Variants in PLPPR1 observed in about 807,000 individuals in gnomAD.
PLPPR1 encodes phospholipid phosphatase-related protein type 1.
A neutral mutation model predicts 33.1 loss-of-function variants in PLPPR1; 10 were observed. That is an observed-to-expected ratio of 0.30 (90% CI 0.19 to 0.51). PLPPR1 has a LOEUF of 0.51. Among genes scored for constraint, PLPPR1 ranks in the 20% least tolerant of loss-of-function variants. The pLI is 0.97. For missense variants in PLPPR1, 304 were observed against 408.1 expected (o/e 0.74, Z 2.20); for synonymous variants, 151 against 151.0 (o/e 1.00, Z 0.00).
intron 1 of PLPPR1, among the ~76,000 whole-genome samples, chr9:101,095,355 G>A (rs1283557893): frequency 6.6e-6 from 1 of 152,148 alleles, no homozygotes; most frequent in Non-Finnish European, 1.5e-5. Flanking sequence ...TGGACTGCTG[G>A]ACTTTTGAGC....
chr9:101,033,202 A>G, intron 1 of PLPPR1, among the ~76,000 whole-genome samples: 1 of 152,212 alleles, frequency 6.6e-6, no homozygotes, highest in South Asian at 2.1e-4. Flanking sequence ...AGATGCCAGA[A>G]TGGGGAAAAA....
chr9:101,308,127 A>T (rs1475135370), intron 4 of PLPPR1, among the ~76,000 whole-genome samples: 1 of 152,200 alleles, frequency 6.6e-6, no homozygotes, highest in African/African-American at 2.4e-5. Context: ...AAGGATGATC[A>T]TGTCCCTGGA....
chr9:101,149,964 A>G (rs928480758), intron 1 of PLPPR1, among the ~76,000 whole-genome samples: 2 of 152,122 alleles, frequency 1.3e-5, no homozygotes, highest in African/African-American at 4.8e-5. Flanking sequence ...TCATCTTTAT[A>G]AAAATGTTAA....
intron 1 of PLPPR1, among the ~76,000 whole-genome samples, chr9:101,128,796 G>C (rs1320885598): frequency 6.6e-6 from 1 of 152,154 alleles, no homozygotes; most frequent in African/African-American, 2.4e-5. Context: ...AACCCTCTGT[G>C]ATGAGGAATA....
intron 1 of PLPPR1, among the ~76,000 whole-genome samples, chr9:101,179,885 TA>T (rs1419733013): frequency 2.0e-5 from 3 of 151,658 alleles, no homozygotes; most frequent in African/African-American, 7.3e-5. Context: ...CCAGAGAATA[TA>T]AAGCAGGCAG....
At chr9:101,181,628 G>GTGTGTGTA (rs1554732861) in intron 1 of PLPPR1, among the ~76,000 whole-genome samples, 4,757 of 146,424 alleles carry the variant, frequency 0.032, 174 homozygotes, top group African/African-American at 0.091. Context: ...GTGTGTGTGT[G>GTGTGTGTA]TGTGTATGTG....
chr9:101,181,662 A>ATG (rs754065825), intron 1 of PLPPR1, among the ~76,000 whole-genome samples: 23 of 148,720 alleles, frequency 1.5e-4, no homozygotes, highest in Non-Finnish European at 3.1e-4. Flanking sequence ...GTATGTATGT[A>ATG]TATGTATATA....
intron 2 of PLPPR1, among the ~76,000 whole-genome samples, chr9:101,230,330 C>T (rs1052226047): frequency 3.3e-5 from 5 of 152,092 alleles, no homozygotes; most frequent in African/African-American, 1.2e-4. Context: ...CACAGAAGCA[C>T]ATTTTTGATT....
rs114264374 is a variant in PLPPR1 at position 101,096,405 on chromosome 9, A to G, written c.-46+67303A>G. Among the ~76,000 whole-genome samples, 1,029 of 152,264 alleles carry G rather than the reference A, an allele frequency of 6.8e-3. 9 individuals are homozygous for G. The highest frequency in any genetic ancestry group is 0.024 in the African/African-American group (995 of 41,558). ...TCTGAGTGAGTGCACATATAATGCA[A>G]TGATCCATCGGTGTCTACATGAGCA... On this transcript the variant is annotated intron_variant, in intron 1 of 7. Coordinates refer to ENST00000374874, the MANE Select transcript of PLPPR1 (RefSeq NM_207299.2).
At position 101,252,436 on chromosome 9, in the gene PLPPR1, C is replaced by T. The variant is rs1489916857; in HGVS notation, c.64-17444C>T. Among the ~76,000 whole-genome samples, 6 of 152,154 alleles carry T rather than the reference C, an allele frequency of 3.9e-5. No individual in the cohort carries two copies. The South Asian group carries it at 6.2e-4, about 16-fold the overall frequency. On this transcript the variant is annotated intron_variant, in intron 2 of 7. Coordinates refer to ENST00000374874, the MANE Select transcript of PLPPR1 (RefSeq NM_207299.2). ...ATCTGACAGCCACAAGGAGTTTGAC[C>T]GAAGTCCCAATCTGTTCATTTATGC...
intron 2 of PLPPR1, among the ~76,000 whole-genome samples, chr9:101,193,935 T>C (rs1297838867): frequency 6.6e-6 from 1 of 152,114 alleles, no homozygotes; most frequent in Non-Finnish European, 1.5e-5. Flanking sequence ...AAAGATAGAG[T>C]AAGGAAGTCC....
rs1243560259 is a variant in PLPPR1 at position 101,292,757 on chromosome 9, G to A, written c.385+6521G>A. 2.6e-5 allele frequency among the ~76,000 whole-genome samples: 4 copies of A among 151,662 alleles called. No homozygotes were observed. The East Asian group carries it at 7.7e-4, about 29-fold the overall frequency. The stretch of plus-strand genomic sequence containing the variant: ...TCCTTTACAGACAAGCAAATGCTGA[G>A]AGATTTTGTCACCACCAGGCCTGCT... On this transcript the variant is annotated intron_variant, in intron 4 of 7. Transcript: ENST00000374874.
Position 101,189,323 on chromosome 9 carries a change from C to T in PLPPR1, c.63+3766C>T, listed in dbSNP as rs147300346. The stretch of plus-strand genomic sequence containing the variant: ...GTCATTATCAATAGAAAGGAATGTC[C>T]GGTTTGATAAGAGGTTATGGAGACC... On this transcript the variant is annotated intron_variant, in intron 2 of 7. Coordinates refer to ENST00000374874, the MANE Select transcript of PLPPR1 (RefSeq NM_207299.2). Among the ~76,000 whole-genome samples, 87 of 152,130 alleles carry T rather than the reference C, an allele frequency of 5.7e-4. 1 individual carries two copies. The East Asian group carries it at 0.015, about 26-fold the overall frequency.
At chr9:101,108,747 A>G (rs909574933) in intron 1 of PLPPR1, among the ~76,000 whole-genome samples, 10 of 152,240 alleles carry the variant, frequency 6.6e-5, no homozygotes, top group Non-Finnish European at 7.3e-5. Flanking sequence ...CCAAACAATT[A>G]AGCTACATCT....
At chr9:101,083,526 A>G (rs189082923) in intron 1 of PLPPR1, among the ~76,000 whole-genome samples, 428 of 152,318 alleles carry the variant, frequency 2.8e-3, no homozygotes, top group African/African-American at 9.8e-3. Flanking sequence ...AATGCAATGA[A>G]GCCTCCCGTA....
intron 2 of PLPPR1, among the ~76,000 whole-genome samples, chr9:101,212,730 T>G (rs2118770082): frequency 6.6e-6 from 1 of 152,316 alleles, no homozygotes; most frequent in African/African-American, 2.4e-5. Context: ...GAAGTTGTCT[T>G]CTTTGAATAT....
intron 2 of PLPPR1, chr9:101,269,671 A>G: frequency 1.7e-6 from 1 of 597,770 alleles, no homozygotes. Context: ...GGAGCTGCTC[A>G]TTATTTGCTG....
intron 3 of PLPPR1, among the ~76,000 whole-genome samples, chr9:101,285,735 T>C (rs1254179753): frequency 6.6e-6 from 1 of 152,230 alleles, no homozygotes; most frequent in Non-Finnish European, 1.5e-5. Context: ...GTGTATATAA[T>C]GCCTTCTTGG....
intron 1 of PLPPR1, among the ~76,000 whole-genome samples, chr9:101,081,891 G>A (rs1474758255): frequency 6.6e-6 from 1 of 152,164 alleles, no homozygotes. Context: ...TAACTTGGCT[G>A]GCATTGCCTT....
Sources: gnomAD v4.1 joint callset for allele counts (sites outside exome capture counted in the v4.1 genomes callset) on GRCh38, gnomAD v4.1.1 for gene constraint, MANE v1.5 for transcripts, NCBI Gene and HGNC (gene_info 2026-07-23, HGNC 2026-07-21) for gene names.